The following CELF2 variants were observed in gnomAD, a reference collection of about 807,000 sequenced individuals.
The protein encoded by CELF2 is CUGBP Elav-like family member 2, also known as CUG triplet repeat RNA-binding protein 2.
In CELF2, 8 loss-of-function variants were observed where a neutral mutation model predicts 62.6. The observed-to-expected ratio is 0.13, with a 90% CI of 0.07 to 0.23. The LOEUF (loss-of-function observed/expected upper bound fraction) is 0.23, where lower values mean the gene tolerates loss of function less well. CELF2 is among the 10% of genes least tolerant of loss of function. The pLI is 1.00. For synonymous variants in CELF2, 258 were observed against 250.0 expected, an observed-to-expected ratio of 1.03 and a Z score of -0.30; for missense variants, 333 against 671.0, an observed-to-expected ratio of 0.50 and a Z score of 5.56.
At chr10:11,090,639 G>T (rs1393219468) in intron 1 of CELF2, among the ~76,000 whole-genome samples, 2 of 152,116 alleles carry the variant, frequency 1.3e-5, no homozygotes, top group East Asian at 3.8e-4. Flanking sequence ...CCAGCAATAA[G>T]AGAATAGGTA....
chr10:10,894,810 G>A (rs1389291122), intron 1 of CELF2, among the ~76,000 whole-genome samples: 4 of 152,056 alleles, frequency 2.6e-5, no homozygotes. Flanking sequence ...TCTGTTGATG[G>A]GCACACCGGA....
At chr10:11,185,443 T>G (rs1212408794) in intron 2 of CELF2, among the ~76,000 whole-genome samples, 1 of 152,164 alleles carries the variant, frequency 6.6e-6, no homozygotes, top group Non-Finnish European at 1.5e-5. Flanking sequence ...AGATGGAGTT[T>G]CACTCTTGTC....
chr10:10,646,700 ACTGACC>A, the CELF2 span, among the ~76,000 whole-genome samples: 5 of 152,218 alleles, frequency 3.3e-5, no homozygotes, highest in African/African-American at 1.2e-4. Context: ...GTGATGAAAT[ACTGACC>A]CAGGATGTTC....
the CELF2 span, among the ~76,000 whole-genome samples, chr10:10,598,751 CTTTTTTTTTTTTTTT>C: frequency 2.9e-5 from 2 of 69,586 alleles, no homozygotes; most frequent in African/African-American, 4.8e-5. Context: ...CTTTTTCTTT[CTTTTTTTTTTTTTTT>C]TTTTTTTTTT....
chr10:11,182,770 TG>T (rs1156942632), intron 2 of CELF2, among the ~76,000 whole-genome samples: 2 of 152,214 alleles, frequency 1.3e-5, no homozygotes, highest in Non-Finnish European at 2.9e-5. Context: ...TGGTTGGCCC[TG>T]TTGTGTTAAT....
chr10:10,705,498 G>C, the CELF2 span, among the ~76,000 whole-genome samples: 1 of 152,124 alleles, frequency 6.6e-6, no homozygotes, highest in Non-Finnish European at 1.5e-5. Context: ...GGGAGAGAGA[G>C]GGAGTGGTGG....
the CELF2 span, among the ~76,000 whole-genome samples, chr10:10,466,645 G>A: frequency 1.3e-4 from 20 of 152,240 alleles, no homozygotes; most frequent in East Asian, 3.9e-3. Flanking sequence ...CAAAGTGGCT[G>A]TAACATTTGA....
Position 11,217,564 on chromosome 10 carries a change from A to C in CELF2, c.354+57A>C. ...TTTATTGCTTGAAAATGGTCCTTTCAACTGAAGGTTCTAGTTATGGGCTCT... is the reference window on the plus strand; with the variant it reads ...TTTATTGCTTGAAAATGGTCCTTTCCACTGAAGGTTCTAGTTATGGGCTCT... On this transcript the variant is annotated intron_variant, in intron 3 of 12. Coordinates refer to ENST00000633077, the MANE Select transcript of CELF2 (RefSeq NM_001326342.2). The surrounding 1 kb of genome is among the most constrained non-coding windows in gnomAD (Gnocchi z 5.6). 1 of 1,332,574 alleles carries C rather than the reference A, an allele frequency of 7.5e-7. No individual in the cohort carries two copies. Among genetic ancestry groups the C allele is most frequent in the Admixed American group, 1.8e-5 (1 of 55,244 alleles). 82.5% of individuals were successfully genotyped at this position (1,332,574 alleles called of 1,614,324 possible).
At chr10:10,854,237 T>C (rs2059570486) in intron 1 of CELF2, among the ~76,000 whole-genome samples, 1 of 152,194 alleles carries the variant, frequency 6.6e-6, no homozygotes, top group African/African-American at 2.4e-5. Context: ...GTGTCTGCTC[T>C]AGTTTTGTCC....
chr10:10,770,899 G>C, the CELF2 span, among the ~76,000 whole-genome samples: 1 of 152,280 alleles, frequency 6.6e-6, no homozygotes, highest in East Asian at 1.9e-4. Context: ...ATGTGTCAGA[G>C]TCACCTGTGG....
At position 11,237,651 on chromosome 10, in the gene CELF2, C is replaced by T. The variant is rs1321213536; in HGVS notation, c.355-11502C>T. On this transcript the variant is annotated intron_variant, in intron 3 of 12. Coordinates refer to ENST00000633077, the MANE Select transcript of CELF2 (RefSeq NM_001326342.2). This position sits in a 1 kb window ranked among gnomAD's most constrained non-coding sequence, Gnocchi z 4.0. Reference sequence around the variant, plus strand: ...GTTACAAGGGAGGCTGGGGGTCAGCCACTCACTGGCTTTTGGGGCTTTGTT... The same window carrying T: ...GTTACAAGGGAGGCTGGGGGTCAGCTACTCACTGGCTTTTGGGGCTTTGTT... Among the ~76,000 whole-genome samples the T allele has an allele frequency of 1.3e-5, 2 of 152,172 alleles. No individual in the cohort carries two copies. The highest frequency in any genetic ancestry group is 2.1e-4 in the South Asian group (1 of 4,826).
chr10:10,676,014 T>C, the CELF2 span, among the ~76,000 whole-genome samples: 1 of 152,238 alleles, frequency 6.6e-6, no homozygotes, highest in Non-Finnish European at 1.5e-5. Flanking sequence ...TGGCTTGTAA[T>C]CTTTTCTTGG....
chr10:10,795,257 T>A (rs924161437), upstream of CELF2, among the ~76,000 whole-genome samples: 12 of 145,470 alleles, frequency 8.2e-5, no homozygotes, highest in Admixed American at 3.4e-4. Context: ...TTTTTTTTTT[T>A]AACAGGGAAC....
chr10:10,706,448 C>T, the CELF2 span, among the ~76,000 whole-genome samples: 3 of 152,136 alleles, frequency 2.0e-5, no homozygotes, highest in Non-Finnish European at 2.9e-5. Context: ...AGCCCAGAAC[C>T]GTCAGCATCC....
At chr10:11,303,537 C>T (rs2093956576) in intron 9 of CELF2, among the ~76,000 whole-genome samples, 1 of 152,180 alleles carries the variant, frequency 6.6e-6, no homozygotes, top group Non-Finnish European at 1.5e-5. Flanking sequence ...TTATTGATCA[C>T]CCGCTGTGCA....
intron 2 of CELF2, among the ~76,000 whole-genome samples, chr10:11,000,223 GT>G (rs1348024906): frequency 1.3e-5 from 2 of 151,862 alleles, no homozygotes; most frequent in Non-Finnish European, 2.9e-5. Flanking sequence ...AATGGGAAAT[GT>G]TTTCCTTTCT....
rs188527319 is a variant in CELF2, at chr10:11,043,041, T to A, written c.74+24878T>A. 7.9e-5 allele frequency among the ~76,000 whole-genome samples: 12 copies of A among 152,240 alleles called. No individual in the cohort carries two copies. In the East Asian group the frequency reaches 2.3e-3, roughly 29 times the overall value. Reference sequence around the variant, plus strand: ...ATCCTCCTGTGTATATGCCTAGGAGTGAAGTTGCTTGGTCATGCAATAGTT... The same window carrying A: ...ATCCTCCTGTGTATATGCCTAGGAGAGAAGTTGCTTGGTCATGCAATAGTT... On this transcript the variant is annotated intron_variant, in intron 1 of 12. Coordinates refer to ENST00000633077, the MANE Select transcript of CELF2 (RefSeq NM_001326342.2).
At chr10:11,146,666 A>G (rs1201673679) in intron 1 of CELF2, among the ~76,000 whole-genome samples, 2 of 152,212 alleles carry the variant, frequency 1.3e-5, no homozygotes, top group African/African-American at 2.4e-5. Flanking sequence ...ATTTGTTACT[A>G]TATACCATTG....
At position 11,296,831 on chromosome 10, in the gene CELF2, G is replaced by C. The variant is rs1046615538; in HGVS notation, c.976+8279G>C. Among the ~76,000 whole-genome samples, 1 of 152,206 alleles carries C rather than the reference G, an allele frequency of 6.6e-6. No individual in the cohort carries two copies. The highest frequency in any genetic ancestry group is 1.5e-5 in the Non-Finnish European group (1 of 68,040). On this transcript the variant is annotated intron_variant, in intron 9 of 12. Coordinates refer to ENST00000633077, the MANE Select transcript of CELF2 (RefSeq NM_001326342.2). The surrounding 1 kb of genome is among the most constrained non-coding windows in gnomAD (Gnocchi z 5.0). ...GAGCCAAAATGTTCAGGGTGGGTAGGATGTTTAAAAGTAGAAGCAGAATGG... is the reference window on the plus strand; with the variant it reads ...GAGCCAAAATGTTCAGGGTGGGTAGCATGTTTAAAAGTAGAAGCAGAATGG...
Sources: allele counts gnomAD v4.1 joint callset (sites outside exome capture counted in the v4.1 genomes callset), GRCh38; gene constraint gnomAD v4.1.1; non-coding constraint Gnocchi (gnomAD v3.1); transcripts MANE v1.5; gene names NCBI Gene and HGNC (gene_info 2026-07-23, HGNC 2026-07-21).